Variants in CLVS1 observed in about 807,000 individuals in gnomAD.
CLVS1 encodes the protein clavesin 1.
In CLVS1, 10 loss-of-function variants were observed where a neutral mutation model predicts 33.1. That is an observed-to-expected ratio of 0.30 (90% CI 0.19 to 0.51). CLVS1 has a LOEUF of 0.51. CLVS1 is among the 20% of genes least tolerant of loss of function. The probability of loss-of-function intolerance (pLI) is 0.97; values close to 1 mark genes in which losing one functional copy is unlikely to be tolerated. For missense variants in CLVS1, 343 were observed against 433.4 expected (o/e 0.79, Z 1.85); for synonymous variants, 163 against 166.1 (o/e 0.98, Z 0.14).
chr8:61,107,052 C>A (rs1287956913), intron 1 of CLVS1, among the ~76,000 whole-genome samples: 2 of 152,180 alleles, frequency 1.3e-5, no homozygotes, highest in Non-Finnish European at 2.9e-5. Context: ...CCATTCTCCT[C>A]TCTCCCATAA....
chr8:61,181,216 A>T (rs1807222488), intron 2 of CLVS1, among the ~76,000 whole-genome samples: 1 of 152,200 alleles, frequency 6.6e-6, no homozygotes, highest in Non-Finnish European at 1.5e-5. Flanking sequence ...CCAAATCATG[A>T]GTGATCTCCC....
intron 3 of CLVS1, among the ~76,000 whole-genome samples, chr8:61,436,820 A>G (rs1816346751): frequency 6.6e-6 from 1 of 152,176 alleles, no homozygotes; most frequent in Non-Finnish European, 1.5e-5. Context: ...GCCCTCTTTG[A>G]AGGTTGGCTG....
chr8:61,239,980 G>A (rs560432697), intron 2 of CLVS1, among the ~76,000 whole-genome samples: 44 of 152,238 alleles, frequency 2.9e-4, no homozygotes, highest in South Asian at 1.7e-3. Context: ...CACCCCTTCC[G>A]TCAAGCACAG....
intron 2 of CLVS1, among the ~76,000 whole-genome samples, chr8:61,180,651 T>G (rs1469254048): frequency 6.6e-6 from 1 of 152,188 alleles, no homozygotes; most frequent in East Asian, 1.9e-4. Flanking sequence ...ATGATCAAGA[T>G]GGTTTCATCC....
chr8:61,493,903 G>A (rs1236631008), intron 5 of CLVS1, among the ~76,000 whole-genome samples: 5 of 152,158 alleles, frequency 3.3e-5, no homozygotes, highest in Non-Finnish European at 7.3e-5. Flanking sequence ...TTGTAGCTGG[G>A]TGCTCTATGA....
At chr8:61,200,557 C>T (rs1274445087) in intron 2 of CLVS1, among the ~76,000 whole-genome samples, 4 of 152,210 alleles carry the variant, frequency 2.6e-5, no homozygotes, top group Non-Finnish European at 4.4e-5. Context: ...CTGTGAACAT[C>T]CATGGACATA....
chr8:60,985,373 G>A, the CLVS1 span, among the ~76,000 whole-genome samples: 1 of 152,014 alleles, frequency 6.6e-6, no homozygotes, highest in South Asian at 2.1e-4. Context: ...CTACCAGCCT[G>A]AGAGCTCCAC....
chr8:61,301,754 T>C (rs1340941460), intron 2 of CLVS1, among the ~76,000 whole-genome samples: 1 of 152,170 alleles, frequency 6.6e-6, no homozygotes, highest in African/African-American at 2.4e-5. Context: ...GAGCCAGTTG[T>C]CTTAACCCGA....
chr8:61,475,741 T>C (rs1817901497), intron 5 of CLVS1, among the ~76,000 whole-genome samples: 1 of 152,220 alleles, frequency 6.6e-6, no homozygotes. Flanking sequence ...TCCCATTCTG[T>C]AGGTTGCCTG....
At chr8:61,039,568 G>A in the CLVS1 span, among the ~76,000 whole-genome samples, 1 of 151,948 alleles carries the variant, frequency 6.6e-6, no homozygotes, top group South Asian at 2.1e-4. Context: ...TCAGAGGCAG[G>A]GTCTTGGTCT....
At chr8:61,163,131 C>T (rs1199455801) in intron 2 of CLVS1, among the ~76,000 whole-genome samples, 2 of 152,120 alleles carry the variant, frequency 1.3e-5, no homozygotes, top group Non-Finnish European at 2.9e-5. Flanking sequence ...ACTGAAGGCA[C>T]CCCCATCTGT....
chr8:61,120,625 C>T (rs1287280993), intron 1 of CLVS1, among the ~76,000 whole-genome samples: 6 of 127,086 alleles, frequency 4.7e-5, no homozygotes, highest in South Asian at 3.1e-4. Context: ...TGTTGGAATA[C>T]CCTGCCGTGT....
intron 2 of CLVS1, among the ~76,000 whole-genome samples, chr8:61,165,960 A>G (rs1238704492): frequency 6.6e-6 from 1 of 150,916 alleles, no homozygotes; most frequent in East Asian, 1.9e-4. Flanking sequence ...GGCCAACCAC[A>G]GGTTGGGAGC....
intron 2 of CLVS1, among the ~76,000 whole-genome samples, chr8:61,334,569 A>C (rs1811717104): frequency 1.3e-5 from 2 of 152,244 alleles, no homozygotes; most frequent in Admixed American, 1.3e-4. Flanking sequence ...ATGAGTAAGC[A>C]AGACAGCTAT....
intron 1 of CLVS1, among the ~76,000 whole-genome samples, chr8:61,089,746 C>G (rs139279890): frequency 6.6e-6 from 1 of 151,960 alleles, no homozygotes; most frequent in Admixed American, 6.6e-5. Flanking sequence ...TAGCAAGACT[C>G]TTATCTCTAC....
chr8:61,152,919 A>G (rs1234497242), intron 2 of CLVS1, among the ~76,000 whole-genome samples: 5 of 152,136 alleles, frequency 3.3e-5, no homozygotes, highest in Non-Finnish European at 7.4e-5. Flanking sequence ...TCACACCTGT[A>G]ATCCAAACAC....
At chr8:61,349,461 C>T (rs1017603341) in intron 2 of CLVS1, among the ~76,000 whole-genome samples, 2 of 152,090 alleles carry the variant, frequency 1.3e-5, no homozygotes, top group African/African-American at 4.8e-5. Flanking sequence ...AAGGACACCT[C>T]TCAGATTTCT....
intron 2 of CLVS1, among the ~76,000 whole-genome samples, chr8:61,275,077 G>C (rs1369850736): frequency 3.3e-5 from 5 of 152,076 alleles, no homozygotes; most frequent in Admixed American, 2.0e-4. Context: ...AAGACAAAAG[G>C]CTATAAATTA....
At chr8:60,982,491 A>C in the CLVS1 span, among the ~76,000 whole-genome samples, 1 of 152,190 alleles carries the variant, frequency 6.6e-6, no homozygotes. Context: ...ATCCTTTAAA[A>C]GGCCTATGTA....
Sources: gnomAD v4.1 joint callset for allele counts (sites outside exome capture counted in the v4.1 genomes callset) on GRCh38, gnomAD v4.1.1 for gene constraint, MANE v1.5 for transcripts, NCBI Gene and HGNC (gene_info 2026-07-23, HGNC 2026-07-21) for gene names.